Variants in NOTCH2NLA observed in about 807,000 individuals in gnomAD.
The protein encoded by NOTCH2NLA is notch homolog 2 N-terminal-like protein A.
chr1:146,162,283 G>A (rs1661549017), intron 3 of NOTCH2NLA, among the ~76,000 whole-genome samples: 1 of 147,612 alleles, frequency 6.8e-6, no homozygotes, highest in African/African-American at 2.5e-5. Flanking sequence ...ATGAAGAATA[G>A]TTGTACTACA....
chr1:146,180,246 T>A (rs1303487480), intron 2 of NOTCH2NLA, among the ~76,000 whole-genome samples: 1 of 143,012 alleles, frequency 7.0e-6, no homozygotes, highest in Admixed American at 7.1e-5. Context: ...TATTTTCTTA[T>A]TAACACCTAC....
intron 1 of NOTCH2NLA, among the ~76,000 whole-genome samples, chr1:146,219,897 G>A (rs1338654120): frequency 1.3e-5 from 1 of 79,102 alleles, no homozygotes; most frequent in African/African-American, 7.6e-5. Context: ...ATGGCAGCAT[G>A]ATTGTGGACA....
intron 3 of NOTCH2NLA, among the ~76,000 whole-genome samples, chr1:146,162,164 T>C (rs1315484359): frequency 1.4e-5 from 2 of 142,092 alleles, no homozygotes; most frequent in African/African-American, 5.2e-5. Context: ...TTTTATTTCC[T>C]TTCTCCTTTA....
At chr1:146,182,186 TTTTTGTATAC>T (rs1662563414) in intron 2 of NOTCH2NLA, among the ~76,000 whole-genome samples, 1 of 137,838 alleles carries the variant, frequency 7.3e-6, no homozygotes. Flanking sequence ...AAAAGTCCCC[TTTTTGTATAC>T]TTTCAAATGT....
At chr1:146,228,189 A>G (rs1275951869) in intron 1 of NOTCH2NLA, among the ~76,000 whole-genome samples, 1 of 145,076 alleles carries the variant, frequency 6.9e-6, no homozygotes, top group Non-Finnish European at 1.5e-5. Context: ...CCAAGCCCAC[A>G]CACCCGGCCC....
intron 3 of NOTCH2NLA, among the ~76,000 whole-genome samples, chr1:146,162,269 A>G (rs1329970347): frequency 1.4e-5 from 2 of 146,510 alleles, no homozygotes; most frequent in Admixed American, 1.4e-4. Flanking sequence ...GTGTTTCCGG[A>G]TGTATGAAGA....
rs377001658 is a variant in NOTCH2NLA, at chr1:146,195,149, G to A, written c.-44-5768C>T. On this transcript the variant is annotated intron_variant, in intron 1 of 4. Transcript: ENST00000362074. ...GTTCCTGGGATATGGAAAACATTTC[G>A]TCTTTTCTGAGTATTTGAAGCAATG... Among the ~76,000 whole-genome samples the A allele has an allele frequency of 8.4e-4, 94 of 111,820 alleles. 25 individuals carry two copies. The highest frequency in any genetic ancestry group is 3.2e-3 in the African/African-American group (86 of 26,570). The allele number at this position is 111,820 out of a possible 152,430, so 73.4% of individuals were successfully genotyped here.
chr1:146,180,455 A>AT (rs1553809052), intron 2 of NOTCH2NLA, among the ~76,000 whole-genome samples: 3 of 141,310 alleles, frequency 2.1e-5, no homozygotes, highest in African/African-American at 7.4e-5. Flanking sequence ...AATTAACTGC[A>AT]TTACTTTTTC....
exon 1 of NOTCH2NLA, chr1:146,228,952 C>T (rs1553820618): frequency 1.4e-6 from 2 of 1,442,286 alleles, no homozygotes; most frequent in African/African-American, 3.1e-5. Flanking sequence ...CTCCCCGCGC[C>T]CCGAGTCCGC....
At chr1:146,159,145 G>A (rs1661323684) in intron 3 of NOTCH2NLA, among the ~76,000 whole-genome samples, 2 of 151,940 alleles carry the variant, frequency 1.3e-5, no homozygotes, top group Admixed American at 6.6e-5. Context: ...ATCACTTGTG[G>A]TTAGGAGTTT....
intron 1 of NOTCH2NLA, chr1:146,228,235 G>C: frequency 4.3e-6 from 1 of 232,344 alleles, no homozygotes; most frequent in Non-Finnish European, 7.0e-6. Flanking sequence ...GGCTGGCTGC[G>C]AAGGTGCAGG....
In NOTCH2NLA at chr1:146,180,484, A is replaced by G. The variant is rs1439001013; in HGVS notation, c.38+8816T>C. On this transcript the variant is annotated intron_variant, in intron 2 of 4. Transcript: ENST00000362074. ...CTTTTTCATAGGAGAAGGCTGATGG[A>G]GTCTAAGAATTGGCAATACATTTTT... 2.1e-5 allele frequency among the ~76,000 whole-genome samples: 3 copies of G among 142,060 alleles called. 1 individual carries two copies. The highest frequency in any genetic ancestry group is 7.2e-5 in the Admixed American group (1 of 13,874). 93.2% of individuals were successfully genotyped at this position (142,060 alleles called of 152,430 possible).
intron 1 of NOTCH2NLA, among the ~76,000 whole-genome samples, chr1:146,219,776 T>C (rs1553817785): frequency 2.2e-5 from 1 of 44,872 alleles, no homozygotes; most frequent in East Asian, 3.8e-4. Flanking sequence ...TATATATATA[T>C]GTAGATCTGT....
intron 2 of NOTCH2NLA, among the ~76,000 whole-genome samples, chr1:146,174,603 T>C (rs1398911670): frequency 1.4e-5 from 2 of 141,256 alleles, no homozygotes; most frequent in East Asian, 2.0e-4. Context: ...GTGGGTTGCG[T>C]CGGCACTGCA....
chr1:146,158,188 T>G (rs1661260288), intron 3 of NOTCH2NLA, among the ~76,000 whole-genome samples: 1 of 151,480 alleles, frequency 6.6e-6, no homozygotes, highest in South Asian at 2.1e-4. Flanking sequence ...TATTATACTT[T>G]AAGTTCTAGG....
intron 3 of NOTCH2NLA, among the ~76,000 whole-genome samples, chr1:146,161,938 G>C (rs1214066105): frequency 2.0e-5 from 2 of 99,536 alleles, no homozygotes; most frequent in Non-Finnish European, 3.9e-5. Flanking sequence ...AATGGTTTGG[G>C]CCTCTCCATC....
chr1:146,180,608 G>A (rs1345719889), intron 2 of NOTCH2NLA, among the ~76,000 whole-genome samples: 6 of 143,220 alleles, frequency 4.2e-5, no homozygotes, highest in African/African-American at 7.3e-5. Context: ...TTTACCTTAC[G>A]TTGGGTTGTA....
At position 146,174,948 on chromosome 1, in the gene NOTCH2NLA, CCT is replaced by C. The variant is rs587597973; in HGVS notation, c.39-9940_39-9939del. Among the ~76,000 whole-genome samples the C allele has an allele frequency of 9.4e-5, 11 of 116,856 alleles. No homozygotes were observed. The South Asian group carries it at 1.1e-3, about 11-fold the overall frequency. 76.7% of individuals were successfully genotyped at this position (116,856 alleles called of 152,430 possible). On this transcript the variant is annotated intron_variant, in intron 2 of 4. Transcript: ENST00000362074. ...TTTCCTGCCCCCCTACTCTGTCCCCCCTGTTAAAGTAGATAAAAATAATTGCT... is the reference window on the plus strand; with the variant it reads ...TTTCCTGCCCCCCTACTCTGTCCCCCGTTAAAGTAGATAAAAATAATTGCT...
rs587646571 is a variant in NOTCH2NLA, at chr1:146,219,649, A to C, written c.-45+9060T>G. Among the ~76,000 whole-genome samples, 8 of 102,070 alleles carry C rather than the reference A, an allele frequency of 7.8e-5. 3 individuals carry two copies. The highest frequency in any genetic ancestry group is 2.1e-4 in the Admixed American group (2 of 9,326). The allele number at this position is 102,070 out of a possible 152,430, so 67.0% of individuals were successfully genotyped here. ...CACTGATGATATGAAAAAACATTCA[A>C]TATCACTGTAATGAGAGAGGCATAT... On this transcript the variant is annotated intron_variant, in intron 1 of 4. Transcript: ENST00000362074.
Sources: allele counts gnomAD v4.1 joint callset (sites outside exome capture counted in the v4.1 genomes callset), GRCh38; gene constraint gnomAD v4.1.1; transcripts MANE v1.5; gene names NCBI Gene and HGNC (gene_info 2026-07-23, HGNC 2026-07-21).